Variants in R3HCC1L observed in about 807,000 individuals in gnomAD.
The protein encoded by R3HCC1L is coiled-coil domain-containing protein R3HCC1L.
R3HCC1L carries 51 observed loss-of-function variants against 59.9 expected under a neutral mutation model. That is an observed-to-expected ratio of 0.85 (90% confidence interval 0.68 to 1.07). The LOEUF is 1.07. Among genes scored for constraint, R3HCC1L ranks in the 50% least tolerant of loss-of-function variants. The pLI, the probability that R3HCC1L is intolerant of heterozygous loss-of-function variation, is 0.00. For missense variants in R3HCC1L, 965 were observed against 933.0 expected, an observed-to-expected ratio of 1.03 and a Z score of -0.45; for synonymous variants, 322 against 315.2, an observed-to-expected ratio of 1.02 and a Z score of -0.23.
chr10:98,176,960 A>G (rs1849086083), intron 4 of R3HCC1L, among the ~76,000 whole-genome samples: 2 of 151,922 alleles, frequency 1.3e-5, no homozygotes, highest in South Asian at 4.1e-4. Context: ...TGAGATAATC[A>G]TGTATTTTAT....
Position 98,146,030 on chromosome 10 carries a change from A to G in R3HCC1L, c.-267-10063A>G, listed in dbSNP as rs372024783. Among the ~76,000 whole-genome samples, 5 of 152,296 alleles carry G rather than the reference A, an allele frequency of 3.3e-5. No individual in the cohort carries two copies. The South Asian group carries it at 1.0e-3, about 32-fold the overall frequency. ...AGAATATGATCTTACTTGGTCACCC[A>G]TCTATTTACCATACATATTTCTAAG... is the stretch of plus-strand genomic sequence containing the variant. On this transcript the variant is annotated intron_variant, in intron 1 of 9. Transcript: ENST00000298999.
chr10:98,155,110 A>T (rs1178766865), intron 1 of R3HCC1L, among the ~76,000 whole-genome samples: 1 of 152,086 alleles, frequency 6.6e-6, no homozygotes, highest in East Asian at 1.9e-4. Context: ...TTCTATTTGG[A>T]AATACTCTCC....
chr10:98,243,887 G>A (rs1857806688), intron 9 of R3HCC1L, among the ~76,000 whole-genome samples: 1 of 152,048 alleles, frequency 6.6e-6, no homozygotes, highest in Admixed American at 6.5e-5. Context: ...TTATTATATA[G>A]TAGTAAATGT....
intron 5 of R3HCC1L, among the ~76,000 whole-genome samples, chr10:98,211,662 T>G (rs977177846): frequency 1.3e-5 from 2 of 152,144 alleles, no homozygotes; most frequent in Admixed American, 6.6e-5. Flanking sequence ...CATGGCCTTT[T>G]ACACATGGTG....
intron 4 of R3HCC1L, among the ~76,000 whole-genome samples, chr10:98,169,411 C>T (rs1355874691): frequency 6.6e-6 from 1 of 152,160 alleles, no homozygotes; most frequent in Non-Finnish European, 1.5e-5. Context: ...TCTCTTAGTA[C>T]TATAGTTGGA....
At chr10:98,161,652 C>T (rs747994856) in intron 2 of R3HCC1L, among the ~76,000 whole-genome samples, 6 of 151,974 alleles carry the variant, frequency 3.9e-5, no homozygotes, top group Non-Finnish European at 7.4e-5. Context: ...TTTGGAGGTA[C>T]GGTTTCTTTA....
At position 98,208,892 on chromosome 10, in the gene R3HCC1L, A is replaced by G. The variant is rs1325207943; in HGVS notation, c.778A>G (p.Ser260Gly). Residue 260 changes from serine (S) to glycine (G), a missense_variant, in exon 5 of 10, where the codon AGC (serine) becomes GGC (glycine). Coordinates refer to ENST00000298999, the MANE Select transcript of R3HCC1L (RefSeq NM_001351015.2). ...AACATCAGATGGAATATTGAATCCC[A>G]GCAGCGGAGGCATCACCACTACTTC... ...MQTSDGILNP[S>G]SGGITTTSVP... 1 of 1,614,068 alleles carries G rather than the reference A, an allele frequency of 6.2e-7. No individual in the cohort carries two copies. Among genetic ancestry groups the G allele is most frequent in the Admixed American group, 1.7e-5 (1 of 60,000 alleles).
intron 4 of R3HCC1L, among the ~76,000 whole-genome samples, chr10:98,205,067 C>T (rs1264158707): frequency 1.3e-5 from 2 of 152,128 alleles, no homozygotes; most frequent in Non-Finnish European, 2.9e-5. Context: ...AGGAATTCTG[C>T]AAACTGATTG....
chr10:98,157,450 C>CT (rs1846992511), intron 2 of R3HCC1L, among the ~76,000 whole-genome samples: 1 of 152,210 alleles, frequency 6.6e-6, no homozygotes, highest in South Asian at 2.1e-4. Flanking sequence ...TAATCCCAAA[C>CT]TTTCTTTCAC....
intron 6 of R3HCC1L, 62 bp downstream of exon 6, chr10:98,231,749 T>C (rs1315755270): frequency 7.0e-7 from 1 of 1,428,724 alleles, no homozygotes; most frequent in African/African-American, 1.5e-5. Flanking sequence ...AAAAATGTTT[T>C]CTGAGAAATC....
chr10:98,208,919 G>C lies in R3HCC1L; in HGVS notation c.805G>C (p.Val269Leu). Residue 269 changes from valine (V) to leucine (L), a missense_variant, in exon 5 of 10, where the codon GTT (valine) becomes CTT (leucine). Transcript: ENST00000298999. Reference sequence around the variant, plus strand: ...CAGCGGAGGCATCACCACTACTTCTGTTCCTGGAAGTCCAGATGGTGTCTT... The same window carrying C: ...CAGCGGAGGCATCACCACTACTTCTCTTCCTGGAAGTCCAGATGGTGTCTT... ...PSSGGITTTS[V>L]PGSPDGVFDQ... 6.2e-7 allele frequency: 1 copy of C among 1,614,076 alleles called. No individual in the cohort carries two copies. The highest frequency in any genetic ancestry group is 8.5e-7 in the Non-Finnish European group (1 of 1,179,978).
Position 98,189,113 on chromosome 10 carries a change from T to C in R3HCC1L, c.-14-18988T>C, listed in dbSNP as rs188050768. ...AGATCCTTACTTAGAGGGCTTTTAT[T>C]GTTACTTTGTATGTAATTTGGACAC... On this transcript the variant is annotated intron_variant, in intron 4 of 9. Coordinates refer to ENST00000298999, the MANE Select transcript of R3HCC1L (RefSeq NM_001351015.2). Among the ~76,000 whole-genome samples the C allele has an allele frequency of 1.1e-3, 160 of 152,340 alleles. 2 individuals are homozygous for C. The highest frequency in any genetic ancestry group is 3.6e-3 in the African/African-American group (151 of 41,584).
At chr10:98,198,574 G>T (rs1021029898) in intron 4 of R3HCC1L, among the ~76,000 whole-genome samples, 1 of 151,116 alleles carries the variant, frequency 6.6e-6, no homozygotes, top group Non-Finnish European at 1.5e-5. Context: ...TGGGAAAAAT[G>T]CTTCTAAATT....
chr10:98,139,337 C>G (rs1341811510), intron 1 of R3HCC1L, among the ~76,000 whole-genome samples: 1 of 152,170 alleles, frequency 6.6e-6, no homozygotes, highest in Non-Finnish European at 1.5e-5. Flanking sequence ...GTATAAAACT[C>G]GTGACCTGTA....
chr10:98,230,701 C>T (rs1856272754), intron 5 of R3HCC1L, among the ~76,000 whole-genome samples: 1 of 152,162 alleles, frequency 6.6e-6, no homozygotes. Flanking sequence ...CCTGCTTTCT[C>T]TTATGGGCAT....
intron 2 of R3HCC1L, among the ~76,000 whole-genome samples, chr10:98,159,663 A>G (rs769610616): frequency 2.0e-5 from 3 of 152,142 alleles, no homozygotes; most frequent in Non-Finnish European, 4.4e-5. Context: ...CTTATTTATA[A>G]TAGTACTTTA....
intron 4 of R3HCC1L, among the ~76,000 whole-genome samples, chr10:98,168,978 C>G (rs1848229013): frequency 6.6e-6 from 1 of 152,200 alleles, no homozygotes; most frequent in Admixed American, 6.5e-5. Context: ...GGGTGTTCCT[C>G]TCCTGACACC....
rs371117443 is a variant in R3HCC1L, at chr10:98,152,444, C to T, written c.-267-3649C>T. Among the ~76,000 whole-genome samples, 107 of 144,662 alleles carry T rather than the reference C, an allele frequency of 7.4e-4. 5 individuals are homozygous for T. The South Asian group carries it at 0.016, about 22-fold the overall frequency. 94.9% of individuals were successfully genotyped at this position (144,662 alleles called of 152,430 possible). ...CTGGGATGTGAGGAGCCCCTCTGCT[C>T]GGCTGCCCAATCTGGGAAGTGAGGA... On this transcript the variant is annotated intron_variant, in intron 1 of 9. Coordinates refer to ENST00000298999, the MANE Select transcript of R3HCC1L (RefSeq NM_001351015.2).
Position 98,152,500 on chromosome 10 carries a change from G to GA in R3HCC1L, c.-267-3591dup, listed in dbSNP as rs537442738. ...TCTTCCCGGCCGCCATCCCGTCTAG[G>GA]AAGTGAGGAGCGTCTCTGCCCGGCC... On this transcript the variant is annotated intron_variant, in intron 1 of 9. Transcript: ENST00000298999. 1.7e-3 allele frequency among the ~76,000 whole-genome samples: 228 copies of GA among 134,318 alleles called. 40 individuals carry two copies. Among genetic ancestry groups the GA allele is most frequent in the Middle Eastern group, 3.9e-3 (1 of 256 alleles). The allele number at this position is 134,318 out of a possible 152,430, so 88.1% of individuals were successfully genotyped here.
Sources: allele counts gnomAD v4.1 joint callset (sites outside exome capture counted in the v4.1 genomes callset), GRCh38; gene constraint gnomAD v4.1.1; transcripts MANE v1.5; gene names NCBI Gene and HGNC (gene_info 2026-07-23, HGNC 2026-07-21).